Variants in IGSF22 observed in about 807,000 individuals in gnomAD.
IGSF22 encodes immunoglobulin superfamily, member 22.
In IGSF22, 119 loss-of-function variants were observed where a neutral mutation model predicts 127.0. The observed-to-expected ratio is 0.94, with a 90% confidence interval of 0.81 to 1.09. The LOEUF (loss-of-function observed/expected upper bound fraction) is 1.09. Among genes scored for constraint, IGSF22 ranks in the 50% least tolerant of loss-of-function variants. The probability of loss-of-function intolerance (pLI) is 0.00; values close to 1 mark genes in which losing one functional copy is unlikely to be tolerated. For synonymous variants in IGSF22, 568 were observed against 664.7 expected (o/e 0.85, Z 2.24); for missense variants, 1,518 against 1,716.6 (o/e 0.88, Z 2.04).
rs754695091 is a variant in IGSF22 at position 18,712,383 on chromosome 11, G to A, written c.2097C>T (p.Asp699=). The change falls in exon 15 of 23, where the codon GAC becomes GAT. Residue 699 remains aspartate (D), a splice_region_variant and synonymous_variant. Coordinates refer to ENST00000513874, the MANE Select transcript of IGSF22 (RefSeq NM_173588.4). Reference sequence around the variant, plus strand: ...CCCGGCCCTGTGGAGGCTTTGGACGGTCTGGGGACAGAGAACAGCTTCAGA... The same window carrying A: ...CCCGGCCCTGTGGAGGCTTTGGACGATCTGGGGACAGAGAACAGCTTCAGA... ...ATATLHLSVL[D]RPKPPQGRVE... is the part of the protein sequence containing the mutation. 2 of 1,547,236 alleles carry A rather than the reference G, an allele frequency of 1.3e-6. No homozygotes were observed. Among genetic ancestry groups the A allele is most frequent in the Non-Finnish European group, 1.7e-6 (2 of 1,144,068 alleles).
Position 18,718,738 on chromosome 11 carries a change from T to C in IGSF22, c.697-10A>G. On this transcript the variant is annotated splice_polypyrimidine_tract_variant and intron_variant, in intron 7 of 22. Transcript: ENST00000513874. ...TCAGAATCCGGATGGCCTGAGAGAT[T>C]ATGATAATAAAATGACAAGTGTCAG... 1 of 1,552,698 alleles carries C rather than the reference T, an allele frequency of 6.4e-7. No homozygotes were observed. Among genetic ancestry groups the C allele is most frequent in the Non-Finnish European group, 8.9e-7 (1 of 1,126,202 alleles).
chr11:18,706,505 CTT>C (rs1848236520), intron 21 of IGSF22: 1 of 398,872 alleles, frequency 2.5e-6, no homozygotes, highest in Admixed American at 4.2e-5. Flanking sequence ...AGTCTCCCCT[CTT>C]ATCCCTTTAG....
intron 17 of IGSF22, 141 bp downstream of exon 17, chr11:18,710,186 T>C (rs1590439095): frequency 1.8e-6 from 2 of 1,092,288 alleles, no homozygotes; most frequent in East Asian, 2.4e-5. Flanking sequence ...TGTGTGAATC[T>C]TGTCCCTCTA....
Position 18,709,422 on chromosome 11 carries a change from T to G in IGSF22, c.2963A>C (p.Glu988Ala). The G allele has an allele frequency of 9.3e-6, 15 of 1,614,098 alleles. No individual in the cohort carries two copies. Among genetic ancestry groups the G allele is most frequent in the Non-Finnish European group, 1.3e-5 (15 of 1,180,014 alleles). ...CATGGCACGGACCCCCTTGTCTAGC[T>G]CCACAGGCTCCCCAACCCCAGCCTC... ...VNEAGVGEPV[E>A]LDKGVRAMPP... The change falls in exon 18 of 23, where the codon GAG (glutamate) becomes GCG (alanine). Residue 988 changes from glutamate to alanine, a missense_variant. This residue lies in a region of IGSF22 where 1,456 missense variants were observed against 1,644.9 expected (regional missense o/e 0.89). Coordinates refer to ENST00000513874, the MANE Select transcript of IGSF22 (RefSeq NM_173588.4). This position sits in a 1 kb window ranked among gnomAD's most constrained non-coding sequence, Gnocchi z 4.8.
chr11:18,705,980 G>A lies in IGSF22; in HGVS notation c.3747C>T (p.Gly1249=). 1 of 1,551,744 alleles carries A rather than the reference G, an allele frequency of 6.4e-7. No individual in the cohort carries two copies. The highest frequency in any genetic ancestry group is 8.7e-7 in the Non-Finnish European group (1 of 1,146,986). ...NPRPTVTLYK[G]DVNITANSKF... is the part of the protein sequence containing the mutation. ...TGGAGTTGGCCGTGATGTTGACGTC[G>A]CCCTTGTAGAGGGTCACTGTGGGCC... is the stretch of plus-strand genomic sequence containing the variant. The change falls in exon 22 of 23, where the codon GGC becomes GGT. Residue 1249 remains glycine, a synonymous_variant. Transcript: ENST00000513874.
rs1399241790 is a variant in IGSF22, at chr11:18,706,098, C to T, written c.3629G>A (p.Arg1210His). The stretch of plus-strand genomic sequence containing the variant: ...GGGCGTCACGAAGCGCGGCGCGTGG[C>T]GCCAGTCCTTCTTCTCGTAGGGCTT... ...KLKPYEKKDW[R>H]HAPRFVTPLK... Residue 1210 changes from arginine (R) to histidine (H), a missense_variant, in exon 22 of 23, where the codon CGC becomes CAC. Physicochemically the swap from Arg to His is conservative, Grantham distance 29. Around this residue, in one of 3 missense-constraint regions of IGSF22, gnomAD observed 1,456 missense variants for 1,644.9 expected, o/e 0.89. Transcript: ENST00000513874. 14 of 1,547,546 alleles carry T rather than the reference C, an allele frequency of 9.0e-6. No individual in the cohort carries two copies. In the East Asian group the frequency reaches 2.7e-4, roughly 30 times the overall value.
Position 18,718,042 on chromosome 11 carries a change from G to C in IGSF22, c.862C>G (p.Gln288Glu). Residue 288 changes from glutamine (Q) to glutamate (E), a missense_variant, in exon 9 of 23, where the codon CAG (glutamine) becomes GAG (glutamate). Coordinates refer to ENST00000513874, the MANE Select transcript of IGSF22 (RefSeq NM_173588.4). ...ACCAGCATGTACTTGGTGCCCATCT[G>C]CTTCACATCGTACTTGCCCAGGGAG... The part of the protein sequence containing the change: ...QYSLGKYDVK[Q>E]MGTKYMLVIS... The C allele has an allele frequency of 6.8e-6, 11 of 1,614,188 alleles. No individual in the cohort carries two copies. The highest frequency in any genetic ancestry group is 9.3e-6 in the Non-Finnish European group (11 of 1,180,028).
At chr11:18,718,343 C>T (rs541737728) in intron 8 of IGSF22, among the ~76,000 whole-genome samples, 2 of 152,204 alleles carry the variant, frequency 1.3e-5, no homozygotes, top group African/African-American at 4.8e-5. Flanking sequence ...CTTAGAGGCA[C>T]AGATCTTCAG....
chr11:18,708,359 CT>C, intron 18 of IGSF22, 64 bp from the exon 19 acceptor site: 1 of 1,338,610 alleles, frequency 7.5e-7, no homozygotes. Flanking sequence ...TGCTTTAAGC[CT>C]CCTCATCAAA....
intron 16 of IGSF22, 33 bp downstream of exon 16, chr11:18,710,622 G>C (rs762663797): frequency 6.3e-7 from 1 of 1,595,468 alleles, no homozygotes; most frequent in Admixed American, 1.7e-5. Context: ...ACCTCCTTTG[G>C]TCACTCCTGG....
At chr11:18,719,115 C>T (rs570135646) in intron 7 of IGSF22, among the ~76,000 whole-genome samples, 1 of 152,252 alleles carries the variant, frequency 6.6e-6, no homozygotes, top group Admixed American at 6.5e-5. Context: ...CCCAAGTTCA[C>T]ACAGCTAATA....
intron 22 of IGSF22, chr11:18,705,452 C>A: frequency 4.7e-6 from 1 of 212,694 alleles, no homozygotes; most frequent in South Asian, 1.1e-4. Flanking sequence ...CAGAATCACC[C>A]GCAAAATTTT....
At chr11:18,719,309 GGTTT>G (rs1327050008) in intron 7 of IGSF22, among the ~76,000 whole-genome samples, 1 of 90,554 alleles carries the variant, frequency 1.1e-5, no homozygotes, top group African/African-American at 4.6e-5. Flanking sequence ...CACACCCAGC[GGTTT>G]TTTTTTGTTT....
intron 7 of IGSF22, 41 bp from the exon 8 acceptor site, chr11:18,718,769 C>T: frequency 8.0e-7 from 1 of 1,255,452 alleles, no homozygotes; most frequent in Non-Finnish European, 1.2e-6. Context: ...GTCAGTGGTA[C>T]CCAAAGCCTG....
At position 18,709,593 on chromosome 11, in the gene IGSF22, G is replaced by T. The variant is rs908836607; in HGVS notation, c.2792C>A (p.Pro931Gln). ...CATCTCAAGGATGTAGCCAGAGGGT[G>T]GGTCTCCCTCTGCAGGCTCCCGCCA... ...LAWREPAEGD[P>Q]PSGYILEMRA... The change falls in exon 18 of 23, where the codon CCA becomes CAA. Residue 931 changes from proline to glutamine, a missense_variant. This residue lies in a region of IGSF22 where 1,456 missense variants were observed against 1,644.9 expected (regional missense o/e 0.89). Coordinates refer to ENST00000513874, the MANE Select transcript of IGSF22 (RefSeq NM_173588.4). The surrounding 1 kb of genome is among the most constrained non-coding windows in gnomAD (Gnocchi z 4.8). 6.2e-7 allele frequency: 1 copy of T among 1,614,058 alleles called. No individual in the cohort carries two copies. Among genetic ancestry groups the T allele is most frequent in the South Asian group, 1.1e-5 (1 of 91,082 alleles).
intron 7 of IGSF22, among the ~76,000 whole-genome samples, chr11:18,719,320 G>GTT (rs367652448): frequency 2.8e-4 from 38 of 138,086 alleles, no homozygotes; most frequent in South Asian, 4.7e-4. Flanking sequence ...GTTTTTTTTT[G>GTT]TTTTTTTTTG....
chr11:18,717,968 C>A lies in IGSF22; in HGVS notation c.936G>T (p.Val312=). The A allele has an allele frequency of 6.2e-7, 1 of 1,614,182 alleles. No individual in the cohort carries two copies. Among genetic ancestry groups the A allele is most frequent in the East Asian group, 2.2e-5 (1 of 44,888 alleles). Residue 312 remains valine, a synonymous_variant, in exon 9 of 23, where the codon GTG becomes GTT. Transcript: ENST00000513874. ...GCTCTGCACTCATCCGCTTATCGCC[C>A]ACGGACAGGCTGTAGATGCCAGCAT... The part of the protein sequence containing the change: ...MNDAGIYSLS[V]GDKRMSAELT...
Position 18,719,705 on chromosome 11 carries a change from A to C in IGSF22, c.696+11T>G. On this transcript the variant is annotated intron_variant, in intron 7 of 22. Coordinates refer to ENST00000513874, the MANE Select transcript of IGSF22 (RefSeq NM_173588.4). Reference sequence around the variant, plus strand: ...TAGCCTGCAGGCCCCTGCTCCCTGCAGGGTACTTACCTCCACCTCTACTTT... The same window carrying C: ...TAGCCTGCAGGCCCCTGCTCCCTGCCGGGTACTTACCTCCACCTCTACTTT... 6.2e-7 allele frequency: 1 copy of C among 1,613,486 alleles called. No homozygotes were observed. Among genetic ancestry groups the C allele is most frequent in the Non-Finnish European group, 8.5e-7 (1 of 1,179,754 alleles).
chr11:18,711,466 C>G (rs959113814), intron 15 of IGSF22, among the ~76,000 whole-genome samples: 1 of 152,160 alleles, frequency 6.6e-6, no homozygotes, highest in African/African-American at 2.4e-5. Flanking sequence ...GGCATGATCT[C>G]GGCTCATTGC....
Sources: gnomAD v4.1 joint callset for allele counts (sites outside exome capture counted in the v4.1 genomes callset) on GRCh38, gnomAD v4.1.1 for gene constraint, gnomAD v4.1.1 regional missense constraint, Gnocchi (gnomAD v3.1) non-coding constraint, MANE v1.5 for transcripts, NCBI Gene and HGNC (gene_info 2026-07-23, HGNC 2026-07-21) for gene names.